Variants in DOCK3 observed in about 807,000 individuals in gnomAD.
DOCK3 encodes dedicator of cytokinesis 3, also known as dedicator of cytokinesis protein 3.
A neutral mutation model predicts 265.6 loss-of-function variants in DOCK3; 60 were observed. The ratio of observed to expected loss-of-function variants is 0.23; its 90% confidence interval spans 0.18 to 0.28. The LOEUF (loss-of-function observed/expected upper bound fraction) is 0.28. Among genes scored for constraint, DOCK3 ranks in the 10% least tolerant of loss-of-function variants. The probability of loss-of-function intolerance (pLI) is 1.00; values close to 1 mark genes in which losing one functional copy is unlikely to be tolerated. For missense variants in DOCK3, 1,981 were observed against 2,594.3 expected (o/e 0.76, Z 5.14); for synonymous variants, 881 against 938.0 (o/e 0.94, Z 1.11).
At chr3:51,105,020 G>A (rs2083230481) in intron 9 of DOCK3, among the ~76,000 whole-genome samples, 1 of 152,202 alleles carries the variant, frequency 6.6e-6, no homozygotes, top group Non-Finnish European at 1.5e-5. Flanking sequence ...GGGAAAGCAT[G>A]AGTACTCCTA....
intron 39 of DOCK3, 124 bp from the exon 40 acceptor site, chr3:51,350,164 A>T: frequency 3.8e-6 from 3 of 792,816 alleles, no homozygotes; most frequent in Non-Finnish European, 4.1e-6. Context: ...AGGCTCACTT[A>T]CTTCTTATCT....
In DOCK3 at chr3:50,785,953, A is replaced by AT. The variant is rs1278389716; in HGVS notation, c.121+7207dup. 1.2e-3 allele frequency among the ~76,000 whole-genome samples: 163 copies of AT among 133,562 alleles called. 2 individuals are homozygous for AT. The highest frequency in any genetic ancestry group is 2.1e-3 in the South Asian group (9 of 4,222). The allele number at this position is 133,562 out of a possible 152,430, so 87.6% of individuals were successfully genotyped here. ...CTGGTCCTGGACTTTTTTTGTTGGCATTTTTTTTTTTTAATTACCATTTTT... is the reference window on the plus strand; with the variant it reads ...CTGGTCCTGGACTTTTTTTGTTGGCATTTTTTTTTTTTTAATTACCATTTTT... On this transcript the variant is annotated intron_variant, in intron 2 of 52. Transcript: ENST00000266037.
At chr3:51,133,749 G>A (rs939318927) in intron 9 of DOCK3, among the ~76,000 whole-genome samples, 2 of 152,158 alleles carry the variant, frequency 1.3e-5, no homozygotes, top group Admixed American at 1.3e-4. Context: ...TGGATATTAA[G>A]GGTGTGGGAT....
At chr3:51,199,303 A>G (rs2088544751) in intron 12 of DOCK3, among the ~76,000 whole-genome samples, 1 of 152,180 alleles carries the variant, frequency 6.6e-6, no homozygotes, top group African/African-American at 2.4e-5. Context: ...GGGGTGACAG[A>G]CGGCACCTGG....
intron 27 of DOCK3, among the ~76,000 whole-genome samples, chr3:51,308,199 ATTG>A (rs1169371020): frequency 6.7e-6 from 1 of 149,570 alleles, no homozygotes; most frequent in East Asian, 2.0e-4. Context: ...AACAAAACTC[ATTG>A]TTATTATTCA....
chr3:50,760,939 G>A lies in DOCK3; in HGVS notation c.38-17736G>A, dbSNP rs373053868. 2.4e-4 allele frequency among the ~76,000 whole-genome samples: 36 copies of A among 151,912 alleles called. No homozygotes were observed. The East Asian group carries it at 6.0e-3, about 25-fold the overall frequency. On this transcript the variant is annotated intron_variant, in intron 1 of 52. Coordinates refer to ENST00000266037, the MANE Select transcript of DOCK3 (RefSeq NM_004947.5). ...TGGGACTACAGGCGCCTGCCACCAC[G>A]CCTGGCTAATTTTTTGTATTTTTAG...
intron 4 of DOCK3, among the ~76,000 whole-genome samples, chr3:50,890,784 C>T (rs1244334177): frequency 1.3e-5 from 2 of 151,878 alleles, no homozygotes; most frequent in African/African-American, 4.8e-5. Context: ...TCAGAGTAAC[C>T]TTCTGGTCAG....
intron 22 of DOCK3, among the ~76,000 whole-genome samples, chr3:51,248,709 A>C (rs1178129827): frequency 6.6e-6 from 1 of 150,926 alleles, no homozygotes; most frequent in African/African-American, 2.4e-5. Flanking sequence ...GAAAGTGAGG[A>C]GCGTCTCCGC....
intron 3 of DOCK3, chr3:50,877,126 G>T: frequency 3.6e-6 from 1 of 277,772 alleles, no homozygotes; most frequent in South Asian, 3.8e-5. Context: ...CATTGCTCCA[G>T]GAAAATTACC....
chr3:51,288,424 A>G (rs557520147), intron 27 of DOCK3, among the ~76,000 whole-genome samples: 2 of 151,470 alleles, frequency 1.3e-5, no homozygotes, highest in African/African-American at 4.9e-5. Flanking sequence ...TAAGAGAACA[A>G]CAGACATCAG....
chr3:51,015,317 G>A (rs1432515768), intron 5 of DOCK3, among the ~76,000 whole-genome samples: 1 of 151,856 alleles, frequency 6.6e-6, no homozygotes, highest in South Asian at 2.1e-4. Context: ...AATGTACCCA[G>A]TTTTTTTAAA....
chr3:51,176,661 C>G (rs2086974384), intron 12 of DOCK3, among the ~76,000 whole-genome samples: 1 of 151,932 alleles, frequency 6.6e-6, no homozygotes, highest in African/African-American at 2.4e-5. Context: ...AGTAGGCAAA[C>G]ATAGAGTCTT....
chr3:51,303,050 G>A (rs888979291), intron 27 of DOCK3, among the ~76,000 whole-genome samples: 5 of 151,970 alleles, frequency 3.3e-5, no homozygotes, highest in African/African-American at 1.2e-4. Flanking sequence ...TCTCATTCAG[G>A]TACCCCCATC....
intron 3 of DOCK3, chr3:50,863,566 T>C (rs2047013621): frequency 2.7e-6 from 1 of 369,652 alleles, no homozygotes; most frequent in South Asian, 2.4e-5. Flanking sequence ...CCTTTTTGCA[T>C]CCCATGTCCT....
At chr3:51,277,934 A>C in intron 26 of DOCK3, 180 bp downstream of exon 26, 1 of 985,290 alleles carries the variant, frequency 1.0e-6, no homozygotes, top group Non-Finnish European at 1.2e-6. Context: ...TGAAAGCTCT[A>C]GGTTCACATT....
chr3:51,381,760 G>A lies in DOCK3; in HGVS notation c.*201G>A. The A allele has an allele frequency of 7.0e-6, 4 of 572,248 alleles. No homozygotes were observed. The highest frequency in any genetic ancestry group is 3.2e-5 in the East Asian group (1 of 31,188). The allele number at this position is 572,248 out of a possible 1,614,324, so 35.4% of individuals were successfully genotyped here. ...GGCCACAGCAGCATGAAGGGTTGTG[G>A]CTTCCCTTTTTATTTTTTTACATTT... On this transcript the variant is annotated 3_prime_UTR_variant, in exon 53 of 53. Coordinates refer to ENST00000266037, the MANE Select transcript of DOCK3 (RefSeq NM_004947.5). The surrounding 1 kb of genome is among the most constrained non-coding windows in gnomAD (Gnocchi z 5.6).
At chr3:50,895,204 C>CT (rs34645584) in intron 4 of DOCK3, among the ~76,000 whole-genome samples, 2,280 of 121,930 alleles carry the variant, frequency 0.019, 45 homozygotes, top group Admixed American at 0.071. Flanking sequence ...TTTATCCCCG[C>CT]TTTTTTTTTT....
At chr3:50,786,793 C>G in intron 2 of DOCK3, 1 of 740,266 alleles carries the variant, frequency 1.4e-6, no homozygotes, top group East Asian at 2.6e-5. Flanking sequence ...ACTGTTTGTG[C>G]CCAACGTGGA....
intron 32 of DOCK3, among the ~76,000 whole-genome samples, chr3:51,328,852 G>A (rs1461992312): frequency 2.6e-5 from 4 of 152,106 alleles, no homozygotes; most frequent in Non-Finnish European, 5.9e-5. Flanking sequence ...CAGTACCACA[G>A]TTTAAAGGTT....
Sources: allele counts gnomAD v4.1 joint callset (sites outside exome capture counted in the v4.1 genomes callset), GRCh38; gene constraint gnomAD v4.1.1; non-coding constraint Gnocchi (gnomAD v3.1); transcripts MANE v1.5; gene names NCBI Gene and HGNC (gene_info 2026-07-23, HGNC 2026-07-21).